The following SMYD3 variants were observed in gnomAD, a reference collection of about 807,000 sequenced individuals.
The protein encoded by SMYD3 is histone-lysine N-methyltransferase SMYD3.
A neutral mutation model predicts 57.7 loss-of-function variants in SMYD3; 36 were observed. The observed-to-expected ratio is 0.62, with a 90% CI of 0.48 to 0.82. SMYD3 has a LOEUF of 0.82. Ranked by LOEUF, SMYD3 falls within the 40% of genes least tolerant of loss-of-function variation. The pLI, the probability that SMYD3 is intolerant of heterozygous loss-of-function variation, is 0.00. For missense variants in SMYD3, 515 were observed against 538.8 expected, an observed-to-expected ratio of 0.96 and a Z score of 0.44; for synonymous variants, 211 against 195.0, an observed-to-expected ratio of 1.08 and a Z score of -0.68.
At chr1:246,378,880 T>C (rs2066339371) in intron 1 of SMYD3, among the ~76,000 whole-genome samples, 2 of 132,584 alleles carry the variant, frequency 1.5e-5, no homozygotes, top group South Asian at 4.3e-4. Flanking sequence ...ATATATTATA[T>C]ATATAAAGCA....
At position 245,820,927 on chromosome 1, in the gene SMYD3, T is replaced by A. The variant is rs929426419; in HGVS notation, c.1076+37569A>T. ...AAACAAATGGAAGAACATTCCATGC[T>A]CATGGGTAGGAAGAATCAATATCGT... On this transcript the variant is annotated intron_variant, in intron 10 of 11. Transcript: ENST00000490107. Among the ~76,000 whole-genome samples, 951 of 151,296 alleles carry A rather than the reference T, an allele frequency of 6.3e-3. 9 individuals carry two copies. The highest frequency in any genetic ancestry group is 9.5e-3 in the Non-Finnish European group (644 of 67,736).
chr1:246,364,545 T>A (rs2066066523), intron 1 of SMYD3, among the ~76,000 whole-genome samples: 2 of 152,192 alleles, frequency 1.3e-5, no homozygotes, highest in Admixed American at 1.3e-4. Flanking sequence ...GATGGAGTAG[T>A]ACACACTGCT....
intron 10 of SMYD3, among the ~76,000 whole-genome samples, chr1:245,807,795 A>T (rs2048261704): frequency 6.6e-6 from 1 of 150,674 alleles, no homozygotes; most frequent in African/African-American, 2.5e-5. Flanking sequence ...AAGAGCCCAG[A>T]GTTTGTAATT....
At chr1:246,373,101 T>A (rs1347892383) in intron 1 of SMYD3, among the ~76,000 whole-genome samples, 2 of 152,132 alleles carry the variant, frequency 1.3e-5, no homozygotes, top group African/African-American at 4.8e-5. Context: ...TTTTTCAATG[T>A]ATTAAAAAAA....
chr1:246,302,639 A>C (rs930897447), intron 5 of SMYD3, among the ~76,000 whole-genome samples: 3 of 152,146 alleles, frequency 2.0e-5, no homozygotes, highest in Admixed American at 6.5e-5. Context: ...TAGGCTGAGT[A>C]TAGCAAATTG....
rs149162791 is a variant in SMYD3, at chr1:246,386,151, G to C, written c.165-31057C>G. Among the ~76,000 whole-genome samples, 493 of 152,294 alleles carry C rather than the reference G, an allele frequency of 3.2e-3. 3 individuals carry two copies. The highest frequency in any genetic ancestry group is 0.01 in the Middle Eastern group (3 of 294). The stretch of plus-strand genomic sequence containing the variant: ...GATCCATCCGCCTCAACCTTCCAAA[G>C]TACTGAGATTACAGGCATGAGCCAC... On this transcript the variant is annotated intron_variant, in intron 1 of 11. Coordinates refer to ENST00000490107, the MANE Select transcript of SMYD3 (RefSeq NM_001167740.2).
chr1:245,915,682 T>TGCTC, intron 7 of SMYD3, 42 bp from the exon 8 acceptor site: 1 of 1,260,748 alleles, frequency 7.9e-7, no homozygotes, highest in African/African-American at 1.5e-5. Flanking sequence ...ACATCTGCTG[T>TGCTC]GCTCATTTCT....
chr1:246,395,391 C>T (rs868382604), intron 1 of SMYD3, among the ~76,000 whole-genome samples: 2 of 152,222 alleles, frequency 1.3e-5, no homozygotes. Flanking sequence ...CTCATGCAGT[C>T]CAAGTGGAAA....
chr1:245,812,700 C>CAAAAAAAAAAAAAAA (rs201426225), intron 10 of SMYD3, among the ~76,000 whole-genome samples: 5 of 46,594 alleles, frequency 1.1e-4, no homozygotes, highest in South Asian at 7.1e-4. Flanking sequence ...AACAACAGTT[C>CAAAAAAAAAAAAAAA]CAAAAAAAAA....
chr1:245,787,730 A>C (rs2047103273), intron 10 of SMYD3, among the ~76,000 whole-genome samples: 1 of 152,244 alleles, frequency 6.6e-6, no homozygotes, highest in Non-Finnish European at 1.5e-5. Flanking sequence ...TTATCAACTC[A>C]AAACAATTTT....
intron 2 of SMYD3, among the ~76,000 whole-genome samples, chr1:246,347,873 A>T (rs1157865010): frequency 6.6e-6 from 1 of 151,778 alleles, no homozygotes; most frequent in Admixed American, 6.6e-5. Context: ...CAGTTTGGAG[A>T]CTTGAACTAA....
intron 5 of SMYD3, among the ~76,000 whole-genome samples, chr1:246,217,451 C>G (rs10924566): frequency 0.27 from 40,309 of 151,812 alleles, 6,080 homozygotes; most frequent in East Asian, 0.58. Context: ...AGAGGTTGCA[C>G]TGAGCCGAGA....
intron 8 of SMYD3, among the ~76,000 whole-genome samples, chr1:245,906,097 A>G (rs1263380397): frequency 6.6e-6 from 1 of 152,236 alleles, no homozygotes; most frequent in Non-Finnish European, 1.5e-5. Flanking sequence ...AGATATTTTG[A>G]GCAATACCCT....
At chr1:245,938,151 G>C (rs946901927) in intron 5 of SMYD3, among the ~76,000 whole-genome samples, 3 of 152,232 alleles carry the variant, frequency 2.0e-5, no homozygotes, top group African/African-American at 2.4e-5. Flanking sequence ...GGCAGGCAAG[G>C]GTTTGCCATA....
chr1:245,760,668 G>A (rs1286502105), intron 11 of SMYD3, among the ~76,000 whole-genome samples: 1 of 152,162 alleles, frequency 6.6e-6, no homozygotes, highest in Non-Finnish European at 1.5e-5. Flanking sequence ...TATGTTAGGT[G>A]GCACCAGAAG....
intron 5 of SMYD3, among the ~76,000 whole-genome samples, chr1:246,020,221 A>C (rs948791571): frequency 2.6e-5 from 4 of 152,232 alleles, no homozygotes; most frequent in Non-Finnish European, 4.4e-5. Flanking sequence ...GCTAACAGGC[A>C]AGCAAAATCT....
intron 4 of SMYD3, among the ~76,000 whole-genome samples, 190 bp from the exon 5 acceptor site, chr1:246,327,527 A>T (rs940489968): frequency 1.3e-5 from 2 of 152,238 alleles, no homozygotes; most frequent in East Asian, 3.8e-4. Flanking sequence ...AAATTCTGCC[A>T]AATTTTGTCT....
At chr1:246,006,429 TG>T (rs2059170368) in intron 5 of SMYD3, among the ~76,000 whole-genome samples, 1 of 152,112 alleles carries the variant, frequency 6.6e-6, no homozygotes, top group Non-Finnish European at 1.5e-5. Context: ...AACTGGGACG[TG>T]CTCCCTGTTT....
At chr1:245,945,077 G>A (rs1433624537) in intron 5 of SMYD3, among the ~76,000 whole-genome samples, 1 of 152,116 alleles carries the variant, frequency 6.6e-6, no homozygotes, top group Admixed American at 6.5e-5. Flanking sequence ...CATAGGCATA[G>A]GCAAAGATTT....
Sources: allele counts gnomAD v4.1 joint callset (sites outside exome capture counted in the v4.1 genomes callset), GRCh38; gene constraint gnomAD v4.1.1; transcripts MANE v1.5; gene names NCBI Gene and HGNC (gene_info 2026-07-23, HGNC 2026-07-21).